Variants in SPICE1 observed in about 807,000 individuals in gnomAD.
The protein encoded by SPICE1 is spindle and centriole associated protein 1.
In SPICE1, 75 loss-of-function variants were observed where a neutral mutation model predicts 102.7. That is an observed-to-expected ratio of 0.73 (90% CI 0.61 to 0.88). The LOEUF is 0.88. SPICE1 is among the 40% of genes least tolerant of loss of function. The pLI is 0.00. For missense variants in SPICE1, 979 were observed against 1,020.1 expected, an observed-to-expected ratio of 0.96 and a Z score of 0.55; for synonymous variants, 308 against 350.3, an observed-to-expected ratio of 0.88 and a Z score of 1.35.
In SPICE1 at chr3:113,472,167, A is replaced by T. The variant is rs112729724; in HGVS notation, c.612-2929T>A. Among the ~76,000 whole-genome samples the T allele has an allele frequency of 3.3e-5, 5 of 152,230 alleles. No individual in the cohort carries two copies. The South Asian group carries it at 1.0e-3, about 31-fold the overall frequency. On this transcript the variant is annotated intron_variant, in intron 7 of 17. Transcript: ENST00000295872. ...GGCTCGGAGGGTCTTACGCCCACAG[A>T]GTCTCACTGATTGCTAGCACAGCAG...
chr3:113,514,721 A>C (rs1345799165), intron 1 of SPICE1, 176 bp downstream of exon 1: 14 of 1,260,460 alleles, frequency 1.1e-5, no homozygotes, highest in Non-Finnish European at 1.4e-5. Context: ...CCGGTCCCAA[A>C]GCACCCTGGA....
At chr3:113,491,703 A>G (rs913885489) in intron 6 of SPICE1, among the ~76,000 whole-genome samples, 7 of 149,368 alleles carry the variant, frequency 4.7e-5, no homozygotes, top group Non-Finnish European at 8.9e-5. Context: ...TCCTCTGCTT[A>G]TCTATTCAGG....
chr3:113,450,450 G>A lies in SPICE1; in HGVS notation c.2209C>T (p.Gln737Ter). The A allele has an allele frequency of 6.2e-7, 1 of 1,612,922 alleles. No individual in the cohort carries two copies. Among genetic ancestry groups the A allele is most frequent in the Non-Finnish European group, 8.5e-7 (1 of 1,179,888 alleles). ...AGTTTTCCACGAGCCTCCATACTTT[G>A]TCGATTCAATTCTGCAATCCGTTCC... is the stretch of plus-strand genomic sequence containing the variant. ...MEERIAELNR[Q>*]SMEARGKLLQ... The change falls in exon 15 of 18, where the codon CAA becomes TAA. Residue 737 changes from glutamine (Q) to a stop codon, truncating the protein, a stop_gained. Coordinates refer to ENST00000295872, the MANE Select transcript of SPICE1 (RefSeq NM_144718.4). LOFTEE classifies it high-confidence loss of function.
Position 113,503,170 on chromosome 3 carries a change from T to C in SPICE1, c.147+10A>G. 6.2e-7 allele frequency: 1 copy of C among 1,605,998 alleles called. No individual in the cohort carries two copies. Among genetic ancestry groups the C allele is most frequent in the South Asian group, 1.1e-5 (1 of 89,534 alleles). ...TGAATAAATGACTTAAGTTTTGATA[T>C]TAAACTCACCAGATCTTCGGGAGTT... is the stretch of plus-strand genomic sequence containing the variant. On this transcript the variant is annotated intron_variant, in intron 3 of 17. Transcript: ENST00000295872.
intron 7 of SPICE1, among the ~76,000 whole-genome samples, chr3:113,486,155 C>CTA (rs1936641718): frequency 5.1e-5 from 5 of 98,436 alleles, no homozygotes; most frequent in Non-Finnish European, 1.1e-4. Flanking sequence ...ACCTAAATGA[C>CTA]CATATATATA....
rs1361598240 is a variant in SPICE1 at position 113,454,485 on chromosome 3, GA to G, written c.1658-536del. 2.0e-5 allele frequency among the ~76,000 whole-genome samples: 3 copies of G among 152,096 alleles called. No homozygotes were observed. In the East Asian group the frequency reaches 5.8e-4, roughly 29 times the overall value. ...GCACTTTGCAAGGCCAAGGTCGGCA[GA>G]TCACCTCAGGTCAGGAGTTCGAGAT... On this transcript the variant is annotated intron_variant, in intron 13 of 17. Transcript: ENST00000295872.
At chr3:113,499,235 T>C in intron 4 of SPICE1, 1 of 442,254 alleles carries the variant, frequency 2.3e-6, no homozygotes, top group Non-Finnish European at 3.9e-6. Context: ...GTCACACAGC[T>C]GGTAAGTAGT....
chr3:113,492,531 C>A (rs1559972627), intron 6 of SPICE1, among the ~76,000 whole-genome samples: 1 of 152,118 alleles, frequency 6.6e-6, no homozygotes, highest in Admixed American at 6.5e-5. Context: ...TAATACAATT[C>A]TCCCATATAA....
chr3:113,467,417 C>CA (rs1244237285), intron 10 of SPICE1, among the ~76,000 whole-genome samples: 2 of 152,074 alleles, frequency 1.3e-5, no homozygotes, highest in Non-Finnish European at 2.9e-5. Flanking sequence ...TCAGCCTCCC[C>CA]AGAAGCTGGG....
At chr3:113,466,623 A>C (rs573586217) in intron 10 of SPICE1, among the ~76,000 whole-genome samples, 27 of 151,336 alleles carry the variant, frequency 1.8e-4, no homozygotes, top group African/African-American at 6.6e-4. Flanking sequence ...AAAAAAAAAA[A>C]AGTACATGCT....
At chr3:113,514,818 G>C (rs1203857472) in intron 1 of SPICE1, 79 bp downstream of exon 1, 1 of 1,261,000 alleles carries the variant, frequency 7.9e-7, no homozygotes, top group Non-Finnish European at 1.0e-6. Context: ...AAAAGCTCCC[G>C]AAAGCGGTGC....
At position 113,468,121 on chromosome 3, in the gene SPICE1, C is replaced by T. The variant is rs765330375; in HGVS notation, c.1155+18G>A. ...ATTTCTGCCTGAAAAGAAGACTCTA[C>T]TAACCTAATGTCCTTACCTCTTTAA... On this transcript the variant is annotated intron_variant, in intron 10 of 17. Coordinates refer to ENST00000295872, the MANE Select transcript of SPICE1 (RefSeq NM_144718.4). The T allele has an allele frequency of 6.2e-7, 1 of 1,608,424 alleles. No individual in the cohort carries two copies.
intron 6 of SPICE1, 92 bp from the exon 7 acceptor site, chr3:113,489,155 C>T (rs1249201762): frequency 1.4e-6 from 1 of 737,944 alleles, no homozygotes; most frequent in Non-Finnish European, 2.3e-6. Context: ...AAGAGAGTTC[C>T]CTCCTCCTAA....
intron 10 of SPICE1, among the ~76,000 whole-genome samples, chr3:113,466,997 C>A (rs933029118): frequency 1.3e-5 from 2 of 151,810 alleles, no homozygotes; most frequent in African/African-American, 2.4e-5. Flanking sequence ...TGCAGTGAGC[C>A]GAGATCATGC....
At chr3:113,451,659 T>C (rs1244338515) in intron 14 of SPICE1, among the ~76,000 whole-genome samples, 2 of 152,316 alleles carry the variant, frequency 1.3e-5, no homozygotes, top group East Asian at 1.9e-4. Flanking sequence ...TTGCCTGTTA[T>C]GAATAATCTT....
chr3:113,450,183 A>G (rs1935612089), intron 15 of SPICE1, 153 bp downstream of exon 15: 3 of 715,746 alleles, frequency 4.2e-6, no homozygotes, highest in East Asian at 2.7e-5. Context: ...TCTGTCACTT[A>G]TCCTGTGAGT....
intron 17 of SPICE1, 126 bp from the exon 18 acceptor site, chr3:113,445,486 A>T: frequency 1.5e-6 from 1 of 681,138 alleles, no homozygotes; most frequent in East Asian, 2.8e-5. Context: ...TGGTACTGGA[A>T]ATTAAATTGT....
intron 3 of SPICE1, 147 bp downstream of exon 3, chr3:113,503,033 G>A (rs1937039025): frequency 1.4e-6 from 1 of 710,712 alleles, no homozygotes; most frequent in East Asian, 2.9e-5. Flanking sequence ...CCAGAAGATA[G>A]GCGTTTTGAT....
At chr3:113,450,099 A>G (rs1935610789) in intron 15 of SPICE1, 2 of 531,628 alleles carry the variant, frequency 3.8e-6, no homozygotes, top group Admixed American at 3.1e-5. Flanking sequence ...ATAATTTAGG[A>G]ACTCAGACAC....
Sources: gnomAD v4.1 joint callset for allele counts (sites outside exome capture counted in the v4.1 genomes callset) on GRCh38, gnomAD v4.1.1 for gene constraint, MANE v1.5 for transcripts, NCBI Gene and HGNC (gene_info 2026-07-23, HGNC 2026-07-21) for gene names.